WDR74: variants seen among roughly 807,000 people sequenced by gnomAD.
WDR74 encodes the protein WD repeat-containing protein 74.
WDR74 carries 31 observed loss-of-function variants against 45.6 expected under a neutral mutation model. The observed-to-expected ratio is 0.68, with a 90% confidence interval of 0.51 to 0.92. The LOEUF (loss-of-function observed/expected upper bound fraction) is 0.92, where lower values mean the gene tolerates loss of function less well. WDR74 is among the 40% of genes least tolerant of loss of function. The pLI is 0.00. For missense variants in WDR74, 455 were observed against 497.2 expected (o/e 0.92, Z 0.81); for synonymous variants, 191 against 192.4 (o/e 0.99, Z 0.06).
chr11:62,835,570 G>T (rs746460415), intron 5 of WDR74, 38 bp from the exon 6 acceptor site: 1 of 1,613,114 alleles, frequency 6.2e-7, no homozygotes, highest in Non-Finnish European at 8.5e-7. Context: ...GGCTATGGGG[G>T]GCTCGATGTG....
At position 62,839,237 on chromosome 11, in the gene WDR74, T is replaced by G. The variant is rs763773336; in HGVS notation, c.172-2A>C. On this transcript the variant is annotated splice_acceptor_variant, in intron 2 of 10. Transcript: ENST00000278856. LOFTEE classifies it high-confidence loss of function. ...CCTGTCCGCGCAGCCCACCAGCATCTGCGGCAAAGAAGGGCAAGATGGCGA... is the reference window on the plus strand; with the variant it reads ...CCTGTCCGCGCAGCCCACCAGCATCGGCGGCAAAGAAGGGCAAGATGGCGA... 1 of 1,613,518 alleles carries G rather than the reference T, an allele frequency of 6.2e-7. No individual in the cohort carries two copies. Among genetic ancestry groups the G allele is most frequent in the Admixed American group, 1.7e-5 (1 of 60,020 alleles).
chr11:62,834,036 C>T (rs988584812), intron 8 of WDR74, 99 bp from the exon 9 acceptor site: 30 of 1,525,524 alleles, frequency 2.0e-5, no homozygotes, highest in Admixed American at 3.9e-5. Context: ...ATTTAATCTG[C>T]AACAAAACCC....
At chr11:62,839,871 T>A (rs2085022267), upstream of WDR74, 1 of 380,760 alleles carries the variant, frequency 2.6e-6, no homozygotes, top group Non-Finnish European at 4.8e-6. Context: ...TTCTGGACTG[T>A]TAGACAAGAA....
At chr11:62,839,714 A>C (rs577372212), upstream of WDR74, 2,533 of 1,039,686 alleles carry the variant, frequency 2.4e-3, 6 homozygotes, top group Non-Finnish European at 3.2e-3. Context: ...TTGCTTTACG[A>C]AAATGAAACC....
Position 62,839,586 on chromosome 11 carries a change from C to T in WDR74, c.-16G>A, listed in dbSNP as rs747674525. 2 of 1,599,752 alleles carry T rather than the reference C, an allele frequency of 1.3e-6. No individual in the cohort carries two copies. The highest frequency in any genetic ancestry group is 1.7e-6 in the Non-Finnish European group (2 of 1,172,070). ...CAGCCGCCATGACAAAGCCTGGAGG[C>T]AGACAGTTCACACTTCCGGCGCAGC... On this transcript the variant is annotated 5_prime_UTR_variant, in exon 1 of 11. Transcript: ENST00000278856.
chr11:62,835,672 T>C lies in WDR74; in HGVS notation c.516+23A>G, dbSNP rs371232523. On this transcript the variant is annotated intron_variant, in intron 5 of 10. Transcript: ENST00000278856. ...AGCCTCCCTCGACTTCAGGAACAGC[T>C]CCTTCACACTCTTGTCACTCACGTT... The C allele has an allele frequency of 1.2e-5, 19 of 1,613,854 alleles. No homozygotes were observed. In the South Asian group the frequency reaches 1.9e-4, roughly 16 times the overall value.
intron 3 of WDR74, 90 bp downstream of exon 3, chr11:62,839,024 A>G (rs1316763318): frequency 1.3e-6 from 2 of 1,561,926 alleles, no homozygotes; most frequent in Non-Finnish European, 1.7e-6. Context: ...CGTGTCACTA[A>G]GAGTTTGCCT....
intron 3 of WDR74, among the ~76,000 whole-genome samples, chr11:62,838,044 A>G (rs1355753760): frequency 6.6e-6 from 1 of 152,208 alleles, no homozygotes; most frequent in Non-Finnish European, 1.5e-5. Context: ...TTGAGGCTGT[A>G]GTGAGCCATG....
At chr11:62,840,634 A>G (rs1565224265), upstream of WDR74, among the ~76,000 whole-genome samples, 1 of 152,208 alleles carries the variant, frequency 6.6e-6, no homozygotes, top group Non-Finnish European at 1.5e-5. Context: ...GAAAAGCAAC[A>G]AATTACCAGT....
Position 62,833,117 on chromosome 11 carries a change from C to A in WDR74, c.993G>T (p.Glu331Asp). ...GRDNWEDEPQ[E>D]PQEPNKVPLE... Reference sequence around the variant, plus strand: ...GGGGCACCTTGTTGGGTTCTTGAGGCTCTTGGGGCTCATCCTGGTGAGTGG... The same window carrying A: ...GGGGCACCTTGTTGGGTTCTTGAGGATCTTGGGGCTCATCCTGGTGAGTGG... Residue 331 changes from glutamate (E) to aspartate (D), a missense_variant, in exon 11 of 11, where the codon GAG becomes GAT. Physicochemically the swap from Glu to Asp is conservative, Grantham distance 45 (BLOSUM62 2). Transcript: ENST00000278856. 1 of 1,612,676 alleles carries A rather than the reference C, an allele frequency of 6.2e-7. No homozygotes were observed. The highest frequency in any genetic ancestry group is 8.5e-7 in the Non-Finnish European group (1 of 1,179,546).
At chr11:62,838,010 G>A (rs2084984153) in intron 3 of WDR74, among the ~76,000 whole-genome samples, 1 of 152,080 alleles carries the variant, frequency 6.6e-6, no homozygotes, top group South Asian at 2.1e-4. Context: ...GGTTGAGGCG[G>A]GAGGATCGTT....
Position 62,833,825 on chromosome 11 carries a change from G to C in WDR74, c.888C>G (p.His296Gln), listed in dbSNP as rs373926597. ...SCGLDRVLRI[H>Q]RIQNPRGLEH... ...CCAGACCCCGTGGATTCTGGATCCT[G>C]TGTATCCTCAAGACTCTGTCCAAGC... Residue 296 changes from histidine (H) to glutamine (Q), a missense_variant, in exon 9 of 11, where the codon CAC becomes CAG. His to Gln is a conservative substitution (Grantham distance 24). Coordinates refer to ENST00000278856, the MANE Select transcript of WDR74 (RefSeq NM_001369450.1). 3.7e-6 allele frequency: 6 copies of C among 1,613,830 alleles called. No homozygotes were observed. The African/African-American group carries it at 8.0e-5, about 22-fold the overall frequency.
At chr11:62,841,326 A>G (rs1363295050), upstream of WDR74, among the ~76,000 whole-genome samples, 1 of 152,000 alleles carries the variant, frequency 6.6e-6, no homozygotes, top group East Asian at 1.9e-4. Flanking sequence ...CAAAAAAAAT[A>G]AATAAGAAAT....
In WDR74 at chr11:62,834,534, G is replaced by A. The variant is rs2084930671; in HGVS notation, c.619-7C>T. 1.2e-6 allele frequency: 2 copies of A among 1,602,982 alleles called. No homozygotes were observed. Among genetic ancestry groups the A allele is most frequent in the Admixed American group, 1.7e-5 (1 of 59,808 alleles). On this transcript the variant is annotated splice_region_variant and splice_polypyrimidine_tract_variant and intron_variant, in intron 6 of 10. Coordinates refer to ENST00000278856, the MANE Select transcript of WDR74 (RefSeq NM_001369450.1). ...CTGGATCATAAACACGGACCTAGAG[G>A]AAGGCTGAAGCATCACAAAAGTATC... is the stretch of plus-strand genomic sequence containing the variant.
upstream of WDR74, chr11:62,841,431 G>A (rs1437160494): frequency 2.0e-5 from 3 of 152,208 alleles, no homozygotes; most frequent in Non-Finnish European, 4.4e-5. Flanking sequence ...AGACCACATG[G>A]AGATACTACG....
chr11:62,833,866 G>A lies in WDR74; in HGVS notation c.847C>T (p.Leu283=). ...RGLQCHPSKP[L]LASCGLDRVL... Reference sequence around the variant, plus strand: ...CTGTCCAAGCCACAGGAGGCTAGTAGAGGCTTTGAAGGGTGGCACTGCAAC... The same window carrying A: ...CTGTCCAAGCCACAGGAGGCTAGTAAAGGCTTTGAAGGGTGGCACTGCAAC... Residue 283 remains leucine, a synonymous_variant, in exon 9 of 11, where the codon CTA becomes TTA. Coordinates refer to ENST00000278856, the MANE Select transcript of WDR74 (RefSeq NM_001369450.1). The A allele has an allele frequency of 6.2e-7, 1 of 1,613,968 alleles. No individual in the cohort carries two copies. The highest frequency in any genetic ancestry group is 8.5e-7 in the Non-Finnish European group (1 of 1,179,888).
chr11:62,835,859 TAA>T lies in WDR74; in HGVS notation c.370-20_370-19del. On this transcript the variant is annotated intron_variant, in intron 4 of 10. Transcript: ENST00000278856. ...TCCAGGAGCTGTAAAGAATAGGAGA[TAA>T]GAGTCCGTTCCAGAGTCCTTAATCC... The T allele has an allele frequency of 6.2e-7, 1 of 1,603,704 alleles. No individual in the cohort carries two copies. Among genetic ancestry groups the T allele is most frequent in the Non-Finnish European group, 8.5e-7 (1 of 1,174,922 alleles).
chr11:62,835,743 C>G lies in WDR74; in HGVS notation c.468G>C (p.Lys156Asn). 6.2e-7 allele frequency: 1 copy of G among 1,613,990 alleles called. No homozygotes were observed. Among genetic ancestry groups the G allele is most frequent in the Non-Finnish European group, 8.5e-7 (1 of 1,179,884 alleles). The change falls in exon 5 of 11, where the codon AAG (lysine) becomes AAC (asparagine). Residue 156 changes from lysine to asparagine, a missense_variant. Physicochemically the swap from Lys to Asn is moderately conservative, Grantham distance 94. Coordinates refer to ENST00000278856, the MANE Select transcript of WDR74 (RefSeq NM_001369450.1). The stretch of plus-strand genomic sequence containing the variant: ...CCTCAGAGCCCTGCAGGTCCCATAT[C>G]TTCAAAGCATTCTCTTTCCCACCTG... ...VATGGKENAL[K>N]IWDLQGSEEP...
chr11:62,833,711 C>T (rs1399168882), intron 9 of WDR74, 37 bp from the exon 10 acceptor site: 1 of 1,579,320 alleles, frequency 6.3e-7, no homozygotes, highest in Non-Finnish European at 8.6e-7. Flanking sequence ...GCCAGGCATG[C>T]TGAGACAGAA....
Sources: gnomAD v4.1 joint callset for allele counts (sites outside exome capture counted in the v4.1 genomes callset) on GRCh38, gnomAD v4.1.1 for gene constraint, MANE v1.5 for transcripts, NCBI Gene and HGNC (gene_info 2026-07-23, HGNC 2026-07-21) for gene names.